The following FBLN2 variants were observed in gnomAD, a reference collection of about 807,000 sequenced individuals.
FBLN2 encodes fibulin 2.
A neutral mutation model predicts 123.7 loss-of-function variants in FBLN2; 81 were observed. That is an observed-to-expected ratio of 0.65 (90% CI 0.55 to 0.79). The LOEUF is 0.79. Among genes scored for constraint, FBLN2 ranks in the 30% least tolerant of loss-of-function variants. The pLI is 0.00. For missense variants in FBLN2, 1,603 were observed against 1,681.3 expected (o/e 0.95, Z 0.81); for synonymous variants, 699 against 701.4 (o/e 1.00, Z 0.05).
At position 13,630,272 on chromosome 3, in the gene FBLN2, C is replaced by T. The variant is rs143085218; in HGVS notation, c.2968+327C>T. Among the ~76,000 whole-genome samples, 6 of 152,320 alleles carry T rather than the reference C, an allele frequency of 3.9e-5. No individual in the cohort carries two copies. In the East Asian group the frequency reaches 7.7e-4, roughly 20 times the overall value. On this transcript the variant is annotated intron_variant, in intron 14 of 17. Coordinates refer to ENST00000404922, the MANE Select transcript of FBLN2 (RefSeq NM_001004019.2). ...TCCAAGGTCCGTGTACCTACCTGTG[C>T]GGGACGCGCCTGTGGCTGAGGGAGG...
In FBLN2 at chr3:13,594,009, G is replaced by T. The variant is rs934984016; in HGVS notation, c.1307-14053G>T. ...CACTTCAGAGTTGAGCTGAGTTACA[G>T]TTGACAAGCTGGTATCTTGTAAAAT... On this transcript the variant is annotated intron_variant, in intron 2 of 17. Coordinates refer to ENST00000404922, the MANE Select transcript of FBLN2 (RefSeq NM_001004019.2). Among the ~76,000 whole-genome samples the T allele has an allele frequency of 1.1e-4, 16 of 152,190 alleles. 2 individuals carry two copies. Among genetic ancestry groups the T allele is most frequent in the Admixed American group, 2.6e-4 (4 of 15,288 alleles).
intron 2 of FBLN2, among the ~76,000 whole-genome samples, chr3:13,601,965 A>T (rs1705048617): frequency 6.6e-6 from 1 of 151,982 alleles, no homozygotes; most frequent in Non-Finnish European, 1.5e-5. Flanking sequence ...GCCTGGTTAA[A>T]TTTTTTCTTT....
At chr3:13,607,222 G>A (rs984877186) in intron 2 of FBLN2, among the ~76,000 whole-genome samples, 2 of 151,924 alleles carry the variant, frequency 1.3e-5, no homozygotes, top group African/African-American at 4.8e-5. Flanking sequence ...TCCTGACCTC[G>A]TGATCTGCCC....
chr3:13,561,381 C>G (rs1223361695), intron 1 of FBLN2, among the ~76,000 whole-genome samples: 1 of 152,098 alleles, frequency 6.6e-6, no homozygotes, highest in African/African-American at 2.4e-5. Context: ...ACTGACTGAT[C>G]GCCCTCTCCT....
chr3:13,629,409 A>G, intron 13 of FBLN2, 117 bp downstream of exon 13: 1 of 1,356,396 alleles, frequency 7.4e-7, no homozygotes, highest in Non-Finnish European at 9.9e-7. Flanking sequence ...CACCTGCTGG[A>G]GTCCACAAGG....
chr3:13,631,726 C>T (rs911976113), intron 16 of FBLN2, among the ~76,000 whole-genome samples: 7 of 152,180 alleles, frequency 4.6e-5, no homozygotes, highest in Admixed American at 1.3e-4. Context: ...AACAGAGATA[C>T]TATGGGGTGT....
chr3:13,573,720 G>A (rs1704038784), intron 2 of FBLN2, among the ~76,000 whole-genome samples: 1 of 151,884 alleles, frequency 6.6e-6, no homozygotes, highest in Non-Finnish European at 1.5e-5. Context: ...CCTGGCCAAC[G>A]TGGTGAAACC....
intron 2 of FBLN2, among the ~76,000 whole-genome samples, chr3:13,589,610 A>G (rs185271409): frequency 6.7e-4 from 102 of 152,332 alleles, no homozygotes; most frequent in African/African-American, 2.4e-3. Flanking sequence ...GGACACACAC[A>G]CACATGGATA....
intron 5 of FBLN2, 81 bp from the exon 6 acceptor site, chr3:13,617,995 C>A: frequency 8.0e-7 from 1 of 1,256,330 alleles, no homozygotes; most frequent in Non-Finnish European, 1.1e-6. Flanking sequence ...TGAGGACCTG[C>A]ACTAGTTTCC....
chr3:13,610,338 G>A (rs534168195), intron 4 of FBLN2, among the ~76,000 whole-genome samples: 5 of 152,300 alleles, frequency 3.3e-5, no homozygotes, highest in African/African-American at 1.2e-4. Context: ...CCCATGGGGA[G>A]TTTGAGGGTC....
chr3:13,597,444 A>T (rs959056673), intron 2 of FBLN2, among the ~76,000 whole-genome samples: 1 of 151,970 alleles, frequency 6.6e-6, no homozygotes, highest in African/African-American at 2.4e-5. Context: ...TTTCCTTATA[A>T]TTTTACCCCC....
intron 1 of FBLN2, among the ~76,000 whole-genome samples, chr3:13,549,589 G>A (rs976937146): frequency 1.3e-3 from 37 of 28,420 alleles, no homozygotes; most frequent in Admixed American, 3.3e-3. Flanking sequence ...CACCCCGACC[G>A]CAGGACCTTG....
At chr3:13,564,745 GT>G (rs1215554506) in intron 1 of FBLN2, among the ~76,000 whole-genome samples, 7 of 152,250 alleles carry the variant, frequency 4.6e-5, no homozygotes, top group African/African-American at 1.7e-4. Context: ...CACTGGGGAT[GT>G]CCCCCCAGGT....
intron 2 of FBLN2, among the ~76,000 whole-genome samples, chr3:13,577,507 C>T (rs1331593326): frequency 6.6e-6 from 1 of 152,176 alleles, no homozygotes; most frequent in Admixed American, 6.5e-5. Flanking sequence ...GGCTTCTACT[C>T]TGAGGTGAGA....
Position 13,618,153 on chromosome 3 carries a change from G to A in FBLN2, c.1807G>A (p.Asp603Asn), listed in dbSNP as rs191335542. The change falls in exon 6 of 18, where the codon GAT (aspartate) becomes AAT (asparagine). Residue 603 changes from aspartate (D) to asparagine (N), a missense_variant. By Grantham distance (23) the Asp-to-Asn change is conservative. Coordinates refer to ENST00000404922, the MANE Select transcript of FBLN2 (RefSeq NM_001004019.2). ...CGAGCTGCCGAACAGCCTGCCGGGC[G>A]ATGACCAGGATGAGTGCCTTCTCCT... ...EAELPNSLPGDDQDECLLLPG... is the reference protein window; with the variant it reads ...EAELPNSLPGNDQDECLLLPG... 2.3e-4 allele frequency: 370 copies of A among 1,613,728 alleles called. No homozygotes were observed. Among genetic ancestry groups the A allele is most frequent in the Middle Eastern group, 1.6e-4 (1 of 6,062 alleles).
At chr3:13,629,088 T>G in intron 12 of FBLN2, 40 bp downstream of exon 12, 2 of 1,612,822 alleles carry the variant, frequency 1.2e-6, no homozygotes, top group South Asian at 1.1e-5. Context: ...CAGCCCGGCC[T>G]GCCCGCTTCC....
At chr3:13,569,175 A>T (rs925947064) in intron 1 of FBLN2, 2 of 457,702 alleles carry the variant, frequency 4.4e-6, no homozygotes, top group African/African-American at 4.3e-5. Flanking sequence ...AGAAGGTGGC[A>T]TTTGAGTGGC....
At chr3:13,580,567 T>C (rs1704292881) in intron 2 of FBLN2, among the ~76,000 whole-genome samples, 1 of 152,144 alleles carries the variant, frequency 6.6e-6, no homozygotes, top group Non-Finnish European at 1.5e-5. Context: ...TTCTGGACTT[T>C]GCCAGTCTGA....
At chr3:13,569,848 A>G (rs1278162330) in intron 1 of FBLN2, among the ~76,000 whole-genome samples, 20 of 151,748 alleles carry the variant, frequency 1.3e-4, no homozygotes, top group Admixed American at 1.3e-3. Flanking sequence ...TGCGTGTGAG[A>G]CCGCCCAGGG....
Sources: allele counts gnomAD v4.1 joint callset (sites outside exome capture counted in the v4.1 genomes callset), GRCh38; gene constraint gnomAD v4.1.1; transcripts MANE v1.5; gene names NCBI Gene and HGNC (gene_info 2026-07-23, HGNC 2026-07-21).